The following MFSD11 variants were observed in gnomAD, a reference collection of about 807,000 sequenced individuals.
The protein encoded by MFSD11 is UNC93-like protein MFSD11.
MFSD11 carries 36 observed loss-of-function variants against 53.5 expected under a neutral mutation model. The ratio of observed to expected loss-of-function variants is 0.67; its 90% CI spans 0.52 to 0.89. The LOEUF is 0.89. Among genes scored for constraint, MFSD11 ranks in the 40% least tolerant of loss-of-function variants. The pLI is 0.00. For missense variants in MFSD11, 530 were observed against 543.9 expected, an observed-to-expected ratio of 0.97 and a Z score of 0.25; for synonymous variants, 186 against 184.9, an observed-to-expected ratio of 1.01 and a Z score of -0.05.
intron 8 of MFSD11, among the ~76,000 whole-genome samples, chr17:76,756,826 C>T (rs973910082): frequency 2.7e-5 from 4 of 150,710 alleles, no homozygotes. Context: ...CGCCACTGCA[C>T]TCCAGCCTGG....
chr17:76,799,992 G>A, the MFSD11 span, among the ~76,000 whole-genome samples: 15 of 127,612 alleles, frequency 1.2e-4, no homozygotes, highest in African/African-American at 4.4e-4. Flanking sequence ...GTCTCCCTCC[G>A]TTGCCCAGGC....
chr17:76,768,971 G>A (rs541583327), intron 9 of MFSD11, among the ~76,000 whole-genome samples: 1 of 145,860 alleles, frequency 6.9e-6, no homozygotes, highest in Non-Finnish European at 1.5e-5. Context: ...GGGCAACAGA[G>A]CAAGACTCTC....
intron 9 of MFSD11, chr17:76,769,153 GT>G (rs2081158623): frequency 6.6e-6 from 1 of 152,288 alleles, no homozygotes; most frequent in Admixed American, 6.5e-5. Context: ...GTTCATTTGA[GT>G]TGTATACTTT....
At chr17:76,798,240 A>G in the MFSD11 span, among the ~76,000 whole-genome samples, 1 of 152,138 alleles carries the variant, frequency 6.6e-6, no homozygotes, top group Non-Finnish European at 1.5e-5. Context: ...ATACAACTCA[A>G]GAAGAGCCAA....
downstream of MFSD11, among the ~76,000 whole-genome samples, chr17:76,781,988 A>ATTTTTT (rs57536397): frequency 5.9e-3 from 807 of 137,416 alleles, 20 homozygotes; most frequent in African/African-American, 0.022. Flanking sequence ...TGCCTGGATA[A>ATTTTTT]TTTTTTTTTT....
chr17:76,736,657 T>C (rs2143937471), upstream of MFSD11: 1 of 1,194,388 alleles, frequency 8.4e-7, no homozygotes, highest in South Asian at 2.3e-5. Context: ...GCTCGCGGGG[T>C]GGCCGGAGGG....
At chr17:76,757,121 C>T (rs1315123256) in intron 8 of MFSD11, among the ~76,000 whole-genome samples, 3 of 152,078 alleles carry the variant, frequency 2.0e-5, no homozygotes, top group Admixed American at 6.6e-5. Context: ...TGAAGCTGCT[C>T]CATCATAGAT....
the MFSD11 span, among the ~76,000 whole-genome samples, chr17:76,793,839 C>T: frequency 3.3e-5 from 5 of 151,484 alleles, no homozygotes; most frequent in Admixed American, 3.3e-4. Context: ...CCTGACTTCC[C>T]ACAACAGAAG....
At chr17:76,761,887 C>T (rs1329590778) in intron 8 of MFSD11, among the ~76,000 whole-genome samples, 5 of 151,084 alleles carry the variant, frequency 3.3e-5, no homozygotes, top group Admixed American at 3.3e-4. Flanking sequence ...CGCCACTGCA[C>T]TCCAGCCTGG....
At chr17:76,739,525 T>G (rs1460330592) in intron 2 of MFSD11, among the ~76,000 whole-genome samples, 1 of 152,248 alleles carries the variant, frequency 6.6e-6, no homozygotes, top group African/African-American at 2.4e-5. Context: ...GACCTGAGAA[T>G]GTAATATGTA....
At chr17:76,737,089 G>A (rs1383376190), upstream of MFSD11, 1 of 1,612,080 alleles carries the variant, frequency 6.2e-7, no homozygotes, top group Non-Finnish European at 8.5e-7. Context: ...CGGGCGAGGT[G>A]CGGTAGGTCA....
chr17:76,754,590 A>C (rs973185838), intron 8 of MFSD11, among the ~76,000 whole-genome samples: 2 of 150,862 alleles, frequency 1.3e-5, no homozygotes, highest in Admixed American at 6.7e-5. Context: ...AGGCTGAGGC[A>C]GGAGAATTGC....
the MFSD11 span, among the ~76,000 whole-genome samples, chr17:76,801,895 C>A: frequency 6.6e-6 from 1 of 152,072 alleles, no homozygotes; most frequent in Non-Finnish European, 1.5e-5. Context: ...GAATGCCTGA[C>A]CTCCTGGGAA....
chr17:76,736,650 C>G (rs535244752), upstream of MFSD11: 13 of 1,186,824 alleles, frequency 1.1e-5, no homozygotes, highest in African/African-American at 4.8e-5. Flanking sequence ...GGCGGAAGCT[C>G]GCGGGGTGGC....
At position 76,778,452 on chromosome 17, in the gene MFSD11, T is replaced by C; in HGVS notation, c.*100T>C. 1 of 1,181,462 alleles carries C rather than the reference T, an allele frequency of 8.5e-7. No homozygotes were observed. 73.2% of individuals were successfully genotyped at this position (1,181,462 alleles called of 1,614,324 possible). On this transcript the variant is annotated 3_prime_UTR_variant, in exon 13 of 13. Transcript: ENST00000685175. The stretch of plus-strand genomic sequence containing the variant: ...TTGATCTTCACTATATATTGGGTGA[T>C]GTTCAGTATGGAAAATCAAGGGATT...
intron 10 of MFSD11, 149 bp from the exon 11 acceptor site, chr17:76,774,848 A>T (rs989922556): frequency 1.4e-6 from 1 of 723,540 alleles, no homozygotes; most frequent in African/African-American, 1.8e-5. Context: ...GGTCATCATT[A>T]TCATTGTCTG....
intron 11 of MFSD11, among the ~76,000 whole-genome samples, chr17:76,775,671 A>C (rs1405947736): frequency 6.6e-6 from 1 of 152,222 alleles, no homozygotes; most frequent in Non-Finnish European, 1.5e-5. Context: ...AAAACTATAC[A>C]AACTGAGTAT....
chr17:76,762,656 CAAAA>C (rs35436399), intron 8 of MFSD11, among the ~76,000 whole-genome samples: 2 of 76,144 alleles, frequency 2.6e-5, no homozygotes, highest in African/African-American at 9.1e-5. Flanking sequence ...ACTCCGTCTC[CAAAA>C]AAAAAAAAAA....
chr17:76,801,762 AC>A, the MFSD11 span, among the ~76,000 whole-genome samples: 1 of 151,980 alleles, frequency 6.6e-6, no homozygotes, highest in Non-Finnish European at 1.5e-5. Context: ...CACTTTAGTT[AC>A]CATCTTGCTT....
Sources: gnomAD v4.1 joint callset for allele counts (sites outside exome capture counted in the v4.1 genomes callset) on GRCh38, gnomAD v4.1.1 for gene constraint, MANE v1.5 for transcripts, NCBI Gene and HGNC (gene_info 2026-07-23, HGNC 2026-07-21) for gene names.